The following HSF5 variants were observed in gnomAD, a reference collection of about 807,000 sequenced individuals.
HSF5 encodes the protein heat shock factor protein 5.
In HSF5, 5 loss-of-function variants were observed where a neutral mutation model predicts 50.8. The ratio of observed to expected loss-of-function variants is 0.10; its 90% CI spans 0.05 to 0.21. The LOEUF is 0.21. Ranked by LOEUF, HSF5 falls within the 10% of genes least tolerant of loss-of-function variation. The pLI is 1.00. For missense variants in HSF5, 564 were observed against 762.6 expected, an observed-to-expected ratio of 0.74 and a Z score of 3.07; for synonymous variants, 307 against 307.4, an observed-to-expected ratio of 1.00 and a Z score of 0.02.
chr17:58,427,133 G>A (rs1471369969), intron 5 of HSF5, among the ~76,000 whole-genome samples: 1 of 152,042 alleles, frequency 6.6e-6, no homozygotes, highest in Admixed American at 6.6e-5. Flanking sequence ...TGAGTGTGGT[G>A]GCATGTGGCT....
intron 3 of HSF5, among the ~76,000 whole-genome samples, chr17:58,466,414 A>G (rs940146820): frequency 2.0e-5 from 3 of 152,344 alleles, no homozygotes; most frequent in East Asian, 3.9e-4. Context: ...CCAGAACAGC[A>G]CTGTTTAAAA....
chr17:58,422,419 G>C lies in HSF5; in HGVS notation c.1732C>G (p.Leu578Val). 6.2e-7 allele frequency: 1 copy of C among 1,613,754 alleles called. No homozygotes were observed. ...TCCTGCTTGCAGGCCACGTCCACCA[G>C]CAGATGAAGATCTAGAAAGAAAGGA... ...QQGKSPDLHL[L>V]VDVACKQERF... Residue 578 changes from leucine (L) to valine (V), a missense_variant, in exon 6 of 6, where the codon CTG becomes GTG. By Grantham distance (32) the Leu-to-Val change is conservative. Transcript: ENST00000323777.
intron 5 of HSF5, among the ~76,000 whole-genome samples, chr17:58,458,327 G>A (rs1408994805): frequency 1.3e-5 from 2 of 152,052 alleles, no homozygotes; most frequent in African/African-American, 4.8e-5. Context: ...TTTAAAATGC[G>A]CTCAGGATAA....
Position 58,486,412 on chromosome 17 carries a change from G to T in HSF5, c.550+1313C>A, listed in dbSNP as rs143236703. ...AAAATAAATAATCCACTATCACAGA[G>T]GGTTTCTTAACTTTTACTAAATACA... On this transcript the variant is annotated intron_variant, in intron 1 of 5. Transcript: ENST00000323777. Among the ~76,000 whole-genome samples, 1,435 of 152,214 alleles carry T rather than the reference G, an allele frequency of 9.4e-3. 15 individuals carry two copies. Among genetic ancestry groups the T allele is most frequent in the Non-Finnish European group, 0.015 (1,005 of 67,998 alleles).
intron 2 of HSF5, chr17:58,476,486 AC>A: frequency 9.1e-7 from 1 of 1,097,234 alleles, no homozygotes; most frequent in East Asian, 2.4e-5. Flanking sequence ...ATTTCAGTGG[AC>A]TTTGAAGATG....
At chr17:58,472,310 C>A (rs6503864) in intron 2 of HSF5, among the ~76,000 whole-genome samples, 33,185 of 151,128 alleles carry the variant, frequency 0.22, 3,849 homozygotes, top group South Asian at 0.33. Context: ...GTACCCCCCC[C>A]AAAAAAAGTG....
chr17:58,484,572 C>T (rs1185923248), intron 1 of HSF5, among the ~76,000 whole-genome samples: 1 of 149,796 alleles, frequency 6.7e-6, no homozygotes, highest in East Asian at 2.0e-4. Flanking sequence ...TCTCCTTATA[C>T]CCACCAGACA....
intron 5 of HSF5, among the ~76,000 whole-genome samples, chr17:58,433,529 A>G (rs1311777455): frequency 6.6e-6 from 1 of 152,210 alleles, no homozygotes; most frequent in Non-Finnish European, 1.5e-5. Flanking sequence ...GAGAGAAAGA[A>G]TTGAGCTCTG....
intron 3 of HSF5, among the ~76,000 whole-genome samples, chr17:58,463,580 A>G (rs1404416351): frequency 6.6e-6 from 1 of 152,222 alleles, no homozygotes; most frequent in Admixed American, 6.5e-5. Context: ...CAAAAGCTAT[A>G]GTACCCAAAT....
intron 5 of HSF5, among the ~76,000 whole-genome samples, chr17:58,445,644 G>A (rs930526180): frequency 6.6e-6 from 1 of 152,172 alleles, no homozygotes; most frequent in Non-Finnish European, 1.5e-5. Context: ...AATGCTGCAT[G>A]ATTCCACTTA....
chr17:58,446,219 C>CA (rs1027407354), intron 5 of HSF5, among the ~76,000 whole-genome samples: 6 of 151,774 alleles, frequency 4.0e-5, no homozygotes, highest in Admixed American at 3.9e-4. Flanking sequence ...ATTCTCCCCC[C>CA]ACAGGAACAT....
Position 58,488,117 on chromosome 17 carries a change from G to A in HSF5, c.158C>T (p.Pro53Leu). ...QPLFEAELLSPPGPGGGGGTA... is the reference protein window; with the variant it reads ...QPLFEAELLSLPGPGGGGGTA... ...CCCGCCACCGCCCCCCGGCCCGGGC[G>A]GGCTGAGCAGCTCGGCCTCGAAGAG... The change falls in exon 1 of 6, where the codon CCG (proline) becomes CTG (leucine). Residue 53 changes from proline (P) to leucine (L), a missense_variant. Physicochemically the swap from Pro to Leu is moderately conservative, Grantham distance 98. This residue lies in a region of HSF5 where 72 missense variants were observed against 110.9 expected (regional missense o/e 0.65). Transcript: ENST00000323777. This position sits in a 1 kb window ranked among gnomAD's most constrained non-coding sequence, Gnocchi z 4.1. 1.3e-6 allele frequency: 2 copies of A among 1,572,910 alleles called. No individual in the cohort carries two copies. The highest frequency in any genetic ancestry group is 1.8e-4 in the Middle Eastern group (1 of 5,712).
chr17:58,447,869 T>C (rs1974581229), intron 5 of HSF5, among the ~76,000 whole-genome samples: 1 of 152,090 alleles, frequency 6.6e-6, no homozygotes, highest in South Asian at 2.1e-4. Context: ...AGAACATTCA[T>C]CTGGGCGCAG....
chr17:58,426,016 A>G (rs1284231767), intron 5 of HSF5, among the ~76,000 whole-genome samples: 1 of 152,252 alleles, frequency 6.6e-6, no homozygotes, highest in African/African-American at 2.4e-5. Flanking sequence ...AAACCTATAG[A>G]GACATACCAG....
intron 5 of HSF5, among the ~76,000 whole-genome samples, chr17:58,454,333 C>T (rs1031509850): frequency 1.3e-5 from 2 of 151,998 alleles, no homozygotes; most frequent in African/African-American, 2.4e-5. Flanking sequence ...AAGAACATAC[C>T]TCAACACGAT....
intron 5 of HSF5, among the ~76,000 whole-genome samples, chr17:58,441,167 A>G (rs570233029): frequency 1.3e-5 from 2 of 152,338 alleles, no homozygotes; most frequent in African/African-American, 4.8e-5. Flanking sequence ...TCTGACCACA[A>G]CACAATTAAA....
intron 1 of HSF5, among the ~76,000 whole-genome samples, chr17:58,481,635 A>G (rs1975099839): frequency 6.6e-6 from 1 of 152,258 alleles, no homozygotes; most frequent in Non-Finnish European, 1.5e-5. Context: ...GCTTTTCCAA[A>G]TAATTAGATT....
intron 5 of HSF5, among the ~76,000 whole-genome samples, chr17:58,428,532 G>A (rs1228914583): frequency 9.2e-5 from 14 of 152,048 alleles, no homozygotes; most frequent in Admixed American, 2.6e-4. Context: ...GGTGGCGGGC[G>A]CCTGTAGTCC....
chr17:58,431,069 T>C (rs986874352), intron 5 of HSF5, among the ~76,000 whole-genome samples: 5 of 152,224 alleles, frequency 3.3e-5, no homozygotes, highest in Admixed American at 2.6e-4. Flanking sequence ...AATAGTCTCA[T>C]GAGACCTGAT....
Sources: allele counts gnomAD v4.1 joint callset (sites outside exome capture counted in the v4.1 genomes callset), GRCh38; gene constraint gnomAD v4.1.1; regional missense constraint gnomAD v4.1.1; non-coding constraint Gnocchi (gnomAD v3.1); transcripts MANE v1.5; gene names NCBI Gene and HGNC (gene_info 2026-07-23, HGNC 2026-07-21).